ERV3-1: variants seen among roughly 807,000 people sequenced by gnomAD.
The protein encoded by ERV3-1 is endogenous retrovirus group 3 member 1 Env polyprotein.
A neutral mutation model predicts 24.6 loss-of-function variants in ERV3-1; 36 were observed. That is an observed-to-expected ratio of 1.47 (90% confidence interval 1.12 to 1.94). The LOEUF is 1.94. Ranked by LOEUF, ERV3-1 falls within the 30% of genes most tolerant of loss-of-function variation. The probability of loss-of-function intolerance (pLI) is 0.00; values close to 1 mark genes in which losing one functional copy is unlikely to be tolerated. For synonymous variants in ERV3-1, 211 were observed against 122.6 expected (o/e 1.72, Z -4.76); for missense variants, 578 against 330.9 (o/e 1.75, Z -5.79).
At chr7:65,001,425 G>A (rs1357188856) in intron 1 of ERV3-1, among the ~76,000 whole-genome samples, 1 of 152,152 alleles carries the variant, frequency 6.6e-6, no homozygotes, top group African/African-American at 2.4e-5. Context: ...TGGGTTTTTG[G>A]CAAGAAACAC....
At chr7:65,005,197 G>C (rs1786618380) in intron 1 of ERV3-1, 1 of 152,888 alleles carries the variant, frequency 6.5e-6, no homozygotes, top group Non-Finnish European at 1.5e-5. Context: ...GCCAGGAGCT[G>C]AAATTTACTA....
chr7:65,001,566 G>T (rs1051173359), intron 1 of ERV3-1, among the ~76,000 whole-genome samples: 1 of 152,144 alleles, frequency 6.6e-6, no homozygotes. Context: ...GGAAAAGGAG[G>T]TCTGCTATAA....
In ERV3-1 at chr7:64,991,615, C is replaced by A. The variant is rs1002916878; in HGVS notation, c.1412G>T (p.Arg471Ile). 10 of 704,088 alleles carry A rather than the reference C, an allele frequency of 1.4e-5. No individual in the cohort carries two copies. Among genetic ancestry groups the A allele is most frequent in the Non-Finnish European group, 2.3e-5 (9 of 385,054 alleles). 43.6% of individuals were successfully genotyped at this position (704,088 alleles called of 1,614,324 possible). ...CTTCCAATCTCCTATAGTTATGCCT[C>A]TTTTGCTTTTCCTTTTAGTTTCATC... is the stretch of plus-strand genomic sequence containing the variant. ...IYDETKRKSK[R>I]GITIGDWKDN... Residue 471 changes from arginine (R) to isoleucine (I), a missense_variant, in exon 2 of 2, where the codon AGA becomes ATA. By Grantham distance (97) the Arg-to-Ile change is moderately conservative (BLOSUM62 -3). Coordinates refer to ENST00000394323, the MANE Select transcript of ERV3-1 (RefSeq NM_001007253.4).
chr7:65,000,094 C>T (rs1396403339), intron 1 of ERV3-1, among the ~76,000 whole-genome samples: 2 of 152,162 alleles, frequency 1.3e-5, no homozygotes, highest in Non-Finnish European at 2.9e-5. Flanking sequence ...GATACAAAGA[C>T]ATGCATGTTC....
At chr7:64,994,768 T>C (rs1323988366) in intron 1 of ERV3-1, among the ~76,000 whole-genome samples, 1 of 152,252 alleles carries the variant, frequency 6.6e-6, no homozygotes, top group Non-Finnish European at 1.5e-5. Context: ...TAAACACTGA[T>C]CTTTTTGTCT....
intron 1 of ERV3-1, among the ~76,000 whole-genome samples, chr7:65,003,511 C>T (rs532077094): frequency 1.3e-5 from 2 of 152,182 alleles, no homozygotes; most frequent in African/African-American, 2.4e-5. Flanking sequence ...AGAACCTCCC[C>T]GCTTTTTGCA....
rs770355703 is a variant in ERV3-1 at position 64,993,053 on chromosome 7, G to A, written c.-27C>T. On this transcript the variant is annotated 5_prime_UTR_variant, in exon 2 of 2. Transcript: ENST00000394323. ...GACAGAAAAGGCTTTTTCCTGGGGGGAGAAGGCTAAGCAAAGTGACAGCTT... is the reference window on the plus strand; with the variant it reads ...GACAGAAAAGGCTTTTTCCTGGGGGAAGAAGGCTAAGCAAAGTGACAGCTT... 3 of 708,284 alleles carry A rather than the reference G, an allele frequency of 4.2e-6. No individual in the cohort carries two copies. The highest frequency in any genetic ancestry group is 7.8e-6 in the Non-Finnish European group (3 of 386,990). 43.9% of individuals were successfully genotyped at this position (708,284 alleles called of 1,614,324 possible).
rs1786253331 is a variant in ERV3-1 at position 64,991,105 on chromosome 7, A to G, written c.*107T>C. ...GATATTTTTGACAATGAGGGGTAAG[A>G]GACAAGGGAGTATAAGGCAAACTCC... On this transcript the variant is annotated 3_prime_UTR_variant, in exon 2 of 2. Transcript: ENST00000394323. The G allele has an allele frequency of 3.3e-6, 2 of 602,158 alleles. No homozygotes were observed. The highest frequency in any genetic ancestry group is 5.9e-6 in the Non-Finnish European group (2 of 338,034). 37.3% of individuals were successfully genotyped at this position (602,158 alleles called of 1,614,324 possible). A position where few individuals can be genotyped will look rare whatever the true frequency, so the allele number is the denominator to read the frequency against.
In ERV3-1 at chr7:64,993,116, G is replaced by T; in HGVS notation, c.-90C>A. The T allele has an allele frequency of 4.9e-6, 3 of 613,168 alleles. No individual in the cohort carries two copies. In the South Asian group the frequency reaches 5.8e-5, roughly 12 times the overall value. The allele number at this position is 613,168 out of a possible 1,614,324, so 38.0% of individuals were successfully genotyped here. On this transcript the variant is annotated 5_prime_UTR_variant, in exon 2 of 2. Transcript: ENST00000394323. ...ATTAATATGACAAGGAAAATTACTG[G>T]ACTTCAGATTTCTAACCACATTTAC... is the stretch of plus-strand genomic sequence containing the variant.
rs1323193743 is a variant in ERV3-1 at position 64,992,621 on chromosome 7, T to C, written c.406A>G (p.Ile136Val). The change falls in exon 2 of 2, where the codon ATC (isoleucine) becomes GTC (valine). Residue 136 changes from isoleucine (I) to valine (V), a missense_variant. Physicochemically the swap from Ile to Val is conservative, Grantham distance 29. Coordinates refer to ENST00000394323, the MANE Select transcript of ERV3-1 (RefSeq NM_001007253.4). ...IVSMGSLFPV[I>V]FSSMEYYSSC... Reference sequence around the variant, plus strand: ...CTATAGTACTCCATGGAACTGAAGATTACGGGAAAGAGTGAGCCCATGGAT... The same window carrying C: ...CTATAGTACTCCATGGAACTGAAGACTACGGGAAAGAGTGAGCCCATGGAT... 1.3e-6 allele frequency: 1 copy of C among 766,336 alleles called. No homozygotes were observed. The highest frequency in any genetic ancestry group is 1.3e-5 in the South Asian group (1 of 74,618). 47.5% of individuals were successfully genotyped at this position (766,336 alleles called of 1,614,324 possible).
At chr7:64,999,882 C>G (rs1041433238) in intron 1 of ERV3-1, among the ~76,000 whole-genome samples, 1 of 152,130 alleles carries the variant, frequency 6.6e-6, no homozygotes, top group Non-Finnish European at 1.5e-5. Flanking sequence ...TCAGACTGAT[C>G]AGGGAAGGAC....
chr7:64,993,007 A>G lies in ERV3-1; in HGVS notation c.20T>C (p.Leu7Pro), dbSNP rs547223811. Residue 7 changes from leucine (L) to proline (P), a missense_variant, in exon 2 of 2, where the codon CTA becomes CCA. Leu to Pro is a moderately conservative substitution (Grantham distance 98). Coordinates refer to ENST00000394323, the MANE Select transcript of ERV3-1 (RefSeq NM_001007253.4). Reference sequence around the variant, plus strand: ...GAGTAGCAAGAACAAAGTGATGAGTAGCATGTTCATACCCAGCATGGACAG... The same window carrying G: ...GAGTAGCAAGAACAAAGTGATGAGTGGCATGTTCATACCCAGCATGGACAG... MLGMNM[L>P]LITLFLLLPL... is the part of the protein sequence containing the mutation. 2 of 761,800 alleles carry G rather than the reference A, an allele frequency of 2.6e-6. No individual in the cohort carries two copies. Among genetic ancestry groups the G allele is most frequent in the South Asian group, 2.7e-5 (2 of 74,434 alleles). 47.2% of individuals were successfully genotyped at this position (761,800 alleles called of 1,614,324 possible). A position where few individuals can be genotyped will look rare whatever the true frequency, so the allele number is the denominator to read the frequency against.
At chr7:64,995,280 C>T (rs1222627732) in intron 1 of ERV3-1, among the ~76,000 whole-genome samples, 1 of 152,158 alleles carries the variant, frequency 6.6e-6, no homozygotes, top group African/African-American at 2.4e-5. Flanking sequence ...AGCAAGGAGG[C>T]CACCCTAGCA....
chr7:64,994,534 C>A (rs917059691), intron 1 of ERV3-1, among the ~76,000 whole-genome samples: 2 of 152,128 alleles, frequency 1.3e-5, no homozygotes, highest in African/African-American at 4.8e-5. Context: ...GCCCATTTTG[C>A]CTCCCTGTCT....
In ERV3-1 at chr7:65,006,678, C is replaced by A; in HGVS notation, c.-526G>T. The A allele has an allele frequency of 6.8e-7, 1 of 1,475,160 alleles. No homozygotes were observed. The highest frequency in any genetic ancestry group is 9.4e-7 in the Non-Finnish European group (1 of 1,061,058). The allele number at this position is 1,475,160 out of a possible 1,614,324, so 91.4% of individuals were successfully genotyped here. On this transcript the variant is annotated 5_prime_UTR_variant, in exon 1 of 2. Coordinates refer to ENST00000394323, the MANE Select transcript of ERV3-1 (RefSeq NM_001007253.4). The stretch of plus-strand genomic sequence containing the variant: ...AGACTACACCAGAAGCTCCGGCTGC[C>A]GCCAGAGACAAAGGCCCCACCAAAC...
At chr7:65,000,045 G>T (rs952705750) in intron 1 of ERV3-1, among the ~76,000 whole-genome samples, 1 of 151,892 alleles carries the variant, frequency 6.6e-6, no homozygotes, top group Non-Finnish European at 1.5e-5. Flanking sequence ...CTCATAATTG[G>T]GTTTATACCC....
At position 64,993,312 on chromosome 7, in the gene ERV3-1, A is replaced by G. The variant is rs1438909427; in HGVS notation, c.-286T>C. On this transcript the variant is annotated 5_prime_UTR_variant, in exon 2 of 2. Coordinates refer to ENST00000394323, the MANE Select transcript of ERV3-1 (RefSeq NM_001007253.4). ...ACTGGCACCTTGGTTCCATCGTAGGATCAGCTGGGTTGCATGGTCTAGGTC... is the reference window on the plus strand; with the variant it reads ...ACTGGCACCTTGGTTCCATCGTAGGGTCAGCTGGGTTGCATGGTCTAGGTC... 1 of 342,626 alleles carries G rather than the reference A, an allele frequency of 2.9e-6. No individual in the cohort carries two copies. The highest frequency in any genetic ancestry group is 5.4e-6 in the Non-Finnish European group (1 of 185,656). The allele number at this position is 342,626 out of a possible 1,614,324, so 21.2% of individuals were successfully genotyped here.
chr7:64,999,511 A>C (rs1040792705), intron 1 of ERV3-1, among the ~76,000 whole-genome samples: 24 of 152,208 alleles, frequency 1.6e-4, no homozygotes, highest in Non-Finnish European at 3.1e-4. Context: ...TTTGGCATGA[A>C]ACCTGTGAGA....
intron 1 of ERV3-1, chr7:65,006,137 A>T (rs1786643599): frequency 1.0e-5 from 2 of 190,592 alleles, no homozygotes; most frequent in Non-Finnish European, 2.2e-5. Flanking sequence ...AGACTTCCAC[A>T]AATTTTTAAT....
Sources: gnomAD v4.1 joint callset for allele counts (sites outside exome capture counted in the v4.1 genomes callset) on GRCh38, gnomAD v4.1.1 for gene constraint, MANE v1.5 for transcripts, NCBI Gene and HGNC (gene_info 2026-07-23, HGNC 2026-07-21) for gene names.